NBAS: variants seen among roughly 807,000 people sequenced by gnomAD.
NBAS encodes the protein NAG/BC035112 fusion.
In NBAS, 219 loss-of-function variants were observed where a neutral mutation model predicts 302.5. That is an observed-to-expected ratio of 0.72 (90% CI 0.65 to 0.81). The LOEUF is 0.81. NBAS is among the 30% of genes least tolerant of loss of function. The pLI, the probability that NBAS is intolerant of heterozygous loss-of-function variation, is 0.00. For synonymous variants in NBAS, 1,118 were observed against 1,021.6 expected (o/e 1.09, Z -1.80); for missense variants, 2,932 against 2,841.6 (o/e 1.03, Z -0.72).
At chr2:15,337,251 T>C (rs11680706) in intron 35 of NBAS, among the ~76,000 whole-genome samples, 77,799 of 151,704 alleles carry the variant, frequency 0.51, 23,363 homozygotes, top group Non-Finnish European at 0.68. Context: ...AGCACAGGAG[T>C]TTGAAGCTGC....
chr2:15,421,383 G>A (rs1341722945), intron 23 of NBAS, among the ~76,000 whole-genome samples: 1 of 152,122 alleles, frequency 6.6e-6, no homozygotes, highest in Non-Finnish European at 1.5e-5. Context: ...CACTTTAACT[G>A]CAAGTAGGCT....
At chr2:15,151,508 TTC>T in the NBAS span, among the ~76,000 whole-genome samples, 3 of 152,232 alleles carry the variant, frequency 2.0e-5, no homozygotes, top group Admixed American at 6.5e-5. Flanking sequence ...CTTCTTTAAA[TTC>T]TCTTACTAGA....
the NBAS span, among the ~76,000 whole-genome samples, chr2:14,833,285 T>C: frequency 1.3e-5 from 2 of 152,116 alleles, no homozygotes; most frequent in Admixed American, 6.6e-5. Context: ...TACCGATACA[T>C]AATGGACTCC....
the NBAS span, among the ~76,000 whole-genome samples, chr2:14,867,620 G>T: frequency 6.6e-6 from 1 of 152,172 alleles, no homozygotes; most frequent in Non-Finnish European, 1.5e-5. Flanking sequence ...TGAATGTAAG[G>T]AACGGTTATC....
intron 47 of NBAS, 63 bp downstream of exon 47, chr2:15,232,359 G>T: frequency 6.7e-7 from 1 of 1,484,670 alleles, no homozygotes; most frequent in South Asian, 1.1e-5. Context: ...CGGATACTAA[G>T]AGCAATTCTA....
the NBAS span, among the ~76,000 whole-genome samples, chr2:14,881,009 C>G: frequency 6.6e-6 from 1 of 151,290 alleles, no homozygotes; most frequent in African/African-American, 2.4e-5. Flanking sequence ...GCACAGAAAG[C>G]ATGAGTGAAA....
chr2:15,244,538 T>C (rs1418846578), intron 44 of NBAS, among the ~76,000 whole-genome samples: 5 of 152,196 alleles, frequency 3.3e-5, no homozygotes, highest in Non-Finnish European at 7.4e-5. Flanking sequence ...ATATCTCTTA[T>C]TGTCTCCCTT....
At chr2:15,306,080 G>A (rs930771469) in intron 40 of NBAS, among the ~76,000 whole-genome samples, 2 of 152,190 alleles carry the variant, frequency 1.3e-5, no homozygotes, top group Non-Finnish European at 2.9e-5. Flanking sequence ...TGGCACTTGT[G>A]TACACACATA....
chr2:15,086,657 G>A, the NBAS span, among the ~76,000 whole-genome samples: 2 of 152,168 alleles, frequency 1.3e-5, no homozygotes, highest in South Asian at 2.1e-4. Flanking sequence ...AGTGCCAGCT[G>A]AGGAAGCTGC....
At chr2:14,925,283 C>T in the NBAS span, among the ~76,000 whole-genome samples, 1 of 152,222 alleles carries the variant, frequency 6.6e-6, no homozygotes, top group South Asian at 2.1e-4. Flanking sequence ...CGCAATTTCC[C>T]ACTGGGATCT....
At chr2:14,971,648 T>C in the NBAS span, among the ~76,000 whole-genome samples, 7 of 152,156 alleles carry the variant, frequency 4.6e-5, no homozygotes, top group Non-Finnish European at 1.0e-4. Flanking sequence ...CAAAGAACAT[T>C]TTCTCCCCAT....
chr2:15,372,475 C>T (rs892740807), intron 31 of NBAS, among the ~76,000 whole-genome samples: 1 of 152,138 alleles, frequency 6.6e-6, no homozygotes, highest in African/African-American at 2.4e-5. Context: ...ACACTGACTA[C>T]AATAAAAATA....
intron 35 of NBAS, among the ~76,000 whole-genome samples, chr2:15,333,107 G>A (rs1672426416): frequency 6.6e-6 from 1 of 152,182 alleles, no homozygotes; most frequent in Non-Finnish European, 1.5e-5. Flanking sequence ...ACCAGAACAC[G>A]AAGAGAGATC....
chr2:14,868,288 C>A, the NBAS span, among the ~76,000 whole-genome samples: 1 of 152,144 alleles, frequency 6.6e-6, no homozygotes, highest in Non-Finnish European at 1.5e-5. Context: ...ATGGCAATTG[C>A]TGCTTCGGGG....
the NBAS span, among the ~76,000 whole-genome samples, chr2:15,151,919 C>T: frequency 6.6e-6 from 1 of 152,144 alleles, no homozygotes; most frequent in Non-Finnish European, 1.5e-5. Context: ...GCAATCTCGG[C>T]TCACTGCAAC....
chr2:14,838,607 G>A, the NBAS span, among the ~76,000 whole-genome samples: 1 of 151,952 alleles, frequency 6.6e-6, no homozygotes, highest in Non-Finnish European at 1.5e-5. Context: ...GTCTGTTGAT[G>A]TATGCTGTGA....
intron 44 of NBAS, among the ~76,000 whole-genome samples, chr2:15,248,441 G>A (rs1209723669): frequency 6.6e-6 from 1 of 152,096 alleles, no homozygotes; most frequent in African/African-American, 2.4e-5. Context: ...CAGAAGGCAA[G>A]AAATAACTAT....
At chr2:15,289,826 T>A (rs901591023) in intron 41 of NBAS, among the ~76,000 whole-genome samples, 3 of 152,082 alleles carry the variant, frequency 2.0e-5, no homozygotes. Context: ...TGAAACCCTG[T>A]CTCTACTGAA....
the NBAS span, among the ~76,000 whole-genome samples, chr2:15,004,370 G>A: frequency 6.6e-6 from 1 of 152,156 alleles, no homozygotes; most frequent in African/African-American, 2.4e-5. Flanking sequence ...CACAAATCAT[G>A]TTTTCAATAT....
Sources: allele counts gnomAD v4.1 joint callset (sites outside exome capture counted in the v4.1 genomes callset), GRCh38; gene constraint gnomAD v4.1.1; transcripts MANE v1.5; gene names NCBI Gene and HGNC (gene_info 2026-07-23, HGNC 2026-07-21).